ANK3: variants seen among roughly 807,000 people sequenced by gnomAD.
The protein encoded by ANK3 is ankyrin 3, also known as ankyrin-3.
In ANK3, 57 loss-of-function variants were observed where a neutral mutation model predicts 370.9. The ratio of observed to expected loss-of-function variants is 0.15; its 90% CI spans 0.12 to 0.19. ANK3 has a LOEUF of 0.19. Among genes scored for constraint, ANK3 ranks in the 10% least tolerant of loss-of-function variants. The pLI, the probability that ANK3 is intolerant of heterozygous loss-of-function variation, is 1.00. For missense variants in ANK3, 4,439 were observed against 5,302.1 expected (o/e 0.84, Z 5.06); for synonymous variants, 1,929 against 1,946.3 (o/e 0.99, Z 0.23).
chr10:60,634,461 G>A (rs192435537), intron 1 of ANK3, among the ~76,000 whole-genome samples: 3 of 152,168 alleles, frequency 2.0e-5, no homozygotes, highest in East Asian at 3.9e-4. Context: ...GATTGTAAAC[G>A]GACCAATCGG....
At position 60,159,829 on chromosome 10, in the gene ANK3, C is replaced by T. The variant is rs142279729; in HGVS notation, c.2614+6762G>A. Among the ~76,000 whole-genome samples the T allele has an allele frequency of 7.2e-4, 110 of 151,890 alleles. 1 individual carries two copies. Among genetic ancestry groups the T allele is most frequent in the East Asian group, 5.0e-3 (26 of 5,162 alleles). ...TGCTCCTGAACGACCATTATGTCAACGAATAAATTAAAAAGAAAATTTTTA... is the reference window on the plus strand; with the variant it reads ...TGCTCCTGAACGACCATTATGTCAATGAATAAATTAAAAAGAAAATTTTTA... On this transcript the variant is annotated intron_variant, in intron 23 of 43. Coordinates refer to ENST00000280772, the MANE Select transcript of ANK3 (RefSeq NM_020987.5).
At chr10:60,399,096 T>C (rs1428842583) in intron 2 of ANK3, among the ~76,000 whole-genome samples, 3 of 152,100 alleles carry the variant, frequency 2.0e-5, no homozygotes, top group Non-Finnish European at 4.4e-5. Context: ...CTAAACCCAG[T>C]GGAAAATTAA....
intron 1 of ANK3, among the ~76,000 whole-genome samples, chr10:60,378,957 TCAG>T (rs1218179294): frequency 6.6e-6 from 1 of 151,874 alleles, no homozygotes; most frequent in East Asian, 1.9e-4. Context: ...TGCAAACTAC[TCAG>T]CTGACAAGGG....
intron 1 of ANK3, among the ~76,000 whole-genome samples, chr10:60,358,119 CAA>C (rs879292048): frequency 8.1e-3 from 116 of 14,252 alleles, no homozygotes; most frequent in South Asian, 0.049. Flanking sequence ...CACACACACA[CAA>C]ACACACACAC....
chr10:60,581,247 G>A (rs1047784514), intron 2 of ANK3, among the ~76,000 whole-genome samples: 2 of 152,076 alleles, frequency 1.3e-5, no homozygotes, highest in African/African-American at 4.8e-5. Flanking sequence ...TGGTGTGAGA[G>A]ACAGCATTGA....
intron 2 of ANK3, among the ~76,000 whole-genome samples, chr10:60,465,849 G>A (rs1443083508): frequency 7.3e-6 from 1 of 137,490 alleles, no homozygotes; most frequent in Non-Finnish European, 1.5e-5. Flanking sequence ...GTATTTCATT[G>A]GGAAAAGTCT....
chr10:60,391,260 T>A (rs1299114395), upstream of ANK3, among the ~76,000 whole-genome samples: 2 of 152,180 alleles, frequency 1.3e-5, no homozygotes, highest in African/African-American at 4.8e-5. Context: ...TGTGCACCGA[T>A]GCTCACATGC....
chr10:60,292,533 A>G (rs2041642434), intron 1 of ANK3, among the ~76,000 whole-genome samples: 3 of 152,112 alleles, frequency 2.0e-5, no homozygotes, highest in African/African-American at 7.2e-5. Flanking sequence ...TATTTTCCCC[A>G]TTGAGTTAAA....
rs371069694 is a variant in ANK3 at position 60,085,181 on chromosome 10, G to T, written c.3821C>A (p.Ser1274Tyr). Residue 1274 changes from serine to tyrosine, a missense_variant, in exon 31 of 44, where the codon TCC becomes TAC. Around this residue, in one of 13 missense-constraint regions of ANK3, gnomAD observed 702 missense variants for 941.5 expected, o/e 0.75. Transcript: ENST00000280772. ...TPLTFIKDCVSFTTNVSARFW... is the reference protein window; with the variant it reads ...TPLTFIKDCVYFTTNVSARFW... ...CCTGGCTGAAACATTGGTTGTAAAG[G>T]AGACACAATCTTTTATAAACGTCAA... is the stretch of plus-strand genomic sequence containing the variant. 41 of 1,612,500 alleles carry T rather than the reference G, an allele frequency of 2.5e-5. No homozygotes were observed. The highest frequency in any genetic ancestry group is 3.3e-5 in the Non-Finnish European group (39 of 1,179,378).
intron 9 of ANK3, among the ~76,000 whole-genome samples, chr10:60,210,852 C>T (rs1016075477): frequency 6.6e-6 from 1 of 152,144 alleles, no homozygotes; most frequent in Non-Finnish European, 1.5e-5. Flanking sequence ...AGAATCAGTG[C>T]TGTGCTGACA....
chr10:60,074,726 T>A lies in ANK3; in HGVS notation c.6155A>T (p.Lys2052Met), dbSNP rs1280684128. 1 of 1,613,778 alleles carries A rather than the reference T, an allele frequency of 6.2e-7. No individual in the cohort carries two copies. Among genetic ancestry groups the A allele is most frequent in the South Asian group, 1.1e-5 (1 of 90,888 alleles). Residue 2052 changes from lysine to methionine, a missense_variant, in exon 37 of 44, where the codon AAG (lysine) becomes ATG (methionine). This residue lies in a region of ANK3 where 679 missense variants were observed against 791.0 expected (regional missense o/e 0.86). Transcript: ENST00000280772. ...ACCATCCTTCTTTGCATCCTCAAAC[T>A]TGTATTTTAAGTTTGTCAGTGAACT... is the stretch of plus-strand genomic sequence containing the variant. Reference protein sequence around the residue: ...GSSSLTNLKYKFEDAKKDGEE... With the variant: ...GSSSLTNLKYMFEDAKKDGEE...
At chr10:60,322,325 T>C (rs1190780020) in intron 1 of ANK3, among the ~76,000 whole-genome samples, 5 of 152,238 alleles carry the variant, frequency 3.3e-5, no homozygotes, top group Admixed American at 1.3e-4. Flanking sequence ...TTTGAAATAC[T>C]GATTGCAGAT....
intron 2 of ANK3, among the ~76,000 whole-genome samples, chr10:60,548,149 A>G (rs2133227608): frequency 6.6e-6 from 1 of 152,080 alleles, no homozygotes; most frequent in African/African-American, 2.4e-5. Context: ...TTCAGAAAAT[A>G]TCAAAATACC....
intron 1 of ANK3, among the ~76,000 whole-genome samples, chr10:60,645,125 A>T (rs1212143307): frequency 6.6e-6 from 1 of 152,138 alleles, no homozygotes; most frequent in African/African-American, 2.4e-5. Context: ...ATATATCCTA[A>T]GAAAATCTTT....
intron 1 of ANK3, among the ~76,000 whole-genome samples, chr10:60,633,079 G>A (rs2078506886): frequency 6.6e-6 from 1 of 152,018 alleles, no homozygotes; most frequent in South Asian, 2.1e-4. Flanking sequence ...TCAAATAAAA[G>A]TTATGTTTAA....
intron 42 of ANK3, chr10:60,053,690 G>T: frequency 2.3e-6 from 3 of 1,303,884 alleles, no homozygotes; most frequent in Non-Finnish European, 3.0e-6. Flanking sequence ...ATAACAGCAG[G>T]CAGTCATCCG....
intron 1 of ANK3, among the ~76,000 whole-genome samples, chr10:60,360,138 T>C (rs2058369095): frequency 6.6e-6 from 1 of 152,246 alleles, no homozygotes; most frequent in African/African-American, 2.4e-5. Context: ...TTGTTGCATC[T>C]GGTACTCTGT....
rs2083325013 is a variant in ANK3, at chr10:60,074,203, T to A, written c.6678A>T (p.Glu2226Asp). 6.2e-7 allele frequency: 1 copy of A among 1,614,064 alleles called. No homozygotes were observed. Among genetic ancestry groups the A allele is most frequent in the Non-Finnish European group, 8.5e-7 (1 of 1,180,026 alleles). ...TTAAAACCCGATTGTGGTCATCTTC[T>A]TCACTACTGGCTTTCATTTGAAATG... is the stretch of plus-strand genomic sequence containing the variant. ...VKAFQMKASS[E>D]EDDHNRVLSK... The change falls in exon 37 of 44, where the codon GAA becomes GAT. Residue 2226 changes from glutamate (E) to aspartate (D), a missense_variant. Transcript: ENST00000280772.
intron 25 of ANK3, among the ~76,000 whole-genome samples, chr10:60,127,845 G>A (rs181185085): frequency 6.1e-4 from 93 of 151,758 alleles, no homozygotes; most frequent in African/African-American, 1.8e-3. Flanking sequence ...TTACAGGAAC[G>A]TGCCACCATG....
Sources: gnomAD v4.1 joint callset for allele counts (sites outside exome capture counted in the v4.1 genomes callset) on GRCh38, gnomAD v4.1.1 for gene constraint, gnomAD v4.1.1 regional missense constraint, MANE v1.5 for transcripts, NCBI Gene and HGNC (gene_info 2026-07-23, HGNC 2026-07-21) for gene names.